Variants in FAM171A1 observed in about 807,000 individuals in gnomAD.
The protein encoded by FAM171A1 is family with sequence similarity 171 member A1, also known as protein FAM171A1.
A neutral mutation model predicts 74.9 loss-of-function variants in FAM171A1; 23 were observed. The ratio of observed to expected loss-of-function variants is 0.31; its 90% CI spans 0.22 to 0.44. FAM171A1 has a LOEUF of 0.44. Among genes scored for constraint, FAM171A1 ranks in the 20% least tolerant of loss-of-function variants. The pLI, the probability that FAM171A1 is intolerant of heterozygous loss-of-function variation, is 1.00. For synonymous variants in FAM171A1, 527 were observed against 505.7 expected (o/e 1.04, Z -0.57); for missense variants, 1,162 against 1,159.2 (o/e 1.00, Z -0.03).
intron 5 of FAM171A1, among the ~76,000 whole-genome samples, chr10:15,239,866 A>G (rs1274285892): frequency 6.6e-6 from 1 of 152,254 alleles, no homozygotes; most frequent in Non-Finnish European, 1.5e-5. Context: ...GGATTTTGGA[A>G]TATTTGCATT....
intron 1 of FAM171A1, among the ~76,000 whole-genome samples, chr10:15,295,650 G>A (rs138726105): frequency 1.8e-4 from 28 of 152,164 alleles, no homozygotes; most frequent in Middle Eastern, 3.4e-3. Flanking sequence ...GGTTTTTAGA[G>A]CTGTTGGTTT....
At position 15,254,632 on chromosome 10, in the gene FAM171A1, A is replaced by G. The variant is rs528171962; in HGVS notation, c.577+89T>C. Reference sequence around the variant, plus strand: ...CACCTTCAGTGCCTTTCTCCCACATAGTGCTAAAACTCCCAATCATACCTA... The same window carrying G: ...CACCTTCAGTGCCTTTCTCCCACATGGTGCTAAAACTCCCAATCATACCTA... On this transcript the variant is annotated intron_variant, in intron 4 of 7. Coordinates refer to ENST00000378116, the MANE Select transcript of FAM171A1 (RefSeq NM_001010924.2). The G allele has an allele frequency of 4.9e-6, 7 of 1,415,362 alleles. No homozygotes were observed. The African/African-American group carries it at 1.0e-4, about 20-fold the overall frequency. The allele number at this position is 1,415,362 out of a possible 1,614,324, so 87.7% of individuals were successfully genotyped here.
intron 1 of FAM171A1, among the ~76,000 whole-genome samples, chr10:15,331,898 A>T (rs191655992): frequency 0.014 from 885 of 62,724 alleles, 17 homozygotes; most frequent in Non-Finnish European, 0.031. Flanking sequence ...TATATATATG[A>T]AACAATTAAG....
chr10:15,233,555 T>TGCATGTGTGTGC (rs1554832524), intron 5 of FAM171A1, among the ~76,000 whole-genome samples: 1 of 149,154 alleles, frequency 6.7e-6, no homozygotes, highest in Non-Finnish European at 1.5e-5. Context: ...TGTGTGTGTG[T>TGCATGTGTGTGC]GCATGTGTGT....
chr10:15,234,783 G>C (rs1402513939), intron 5 of FAM171A1, among the ~76,000 whole-genome samples: 2 of 151,858 alleles, frequency 1.3e-5, no homozygotes, highest in East Asian at 3.9e-4. Flanking sequence ...CTCCCGAGTA[G>C]CTGGGACTAC....
intron 7 of FAM171A1, among the ~76,000 whole-genome samples, chr10:15,215,329 A>T (rs1167943170): frequency 6.6e-6 from 1 of 152,188 alleles, no homozygotes; most frequent in Admixed American, 6.5e-5. Context: ...TTGACAATAA[A>T]TATTCTTGCA....
At position 15,216,013 on chromosome 10, in the gene FAM171A1, G is replaced by A. The variant is rs923721593; in HGVS notation, c.969C>T (p.Leu323=). 2.5e-6 allele frequency: 4 copies of A among 1,603,758 alleles called. No individual in the cohort carries two copies. In the South Asian group the frequency reaches 4.5e-5, roughly 18 times the overall value. The part of the protein sequence containing the change: ...MAFILLVLLC[L]LLYYCRRKCL... Reference sequence around the variant, plus strand: ...CACTTTACCTGCAATAATATAAAAGGAGACACAGCAAAACCAAAAGTATGA... The same window carrying A: ...CACTTTACCTGCAATAATATAAAAGAAGACACAGCAAAACCAAAAGTATGA... The change falls in exon 7 of 8, where the codon CTC becomes CTT. Residue 323 remains leucine, a synonymous_variant. Transcript: ENST00000378116.
At chr10:15,361,068 TAATC>T (rs1188739748) in intron 1 of FAM171A1, among the ~76,000 whole-genome samples, 1 of 152,158 alleles carries the variant, frequency 6.6e-6, no homozygotes, top group East Asian at 1.9e-4. Flanking sequence ...TAAGAAACTA[TAATC>T]AATGTCGTCA....
chr10:15,280,103 C>G (rs10752359), intron 2 of FAM171A1, among the ~76,000 whole-genome samples: 1 of 151,744 alleles, frequency 6.6e-6, no homozygotes, highest in Admixed American at 6.6e-5. Context: ...AAGAAAAAAA[C>G]CCAAAAAATT....
At chr10:15,349,645 A>G (rs1047819515) in intron 1 of FAM171A1, among the ~76,000 whole-genome samples, 78 of 152,072 alleles carry the variant, frequency 5.1e-4, no homozygotes, top group African/African-American at 1.8e-3. Context: ...CAGCTTCCCT[A>G]TCCTGAACAC....
chr10:15,373,189 T>G (rs1340253017), upstream of FAM171A1, among the ~76,000 whole-genome samples: 1 of 152,188 alleles, frequency 6.6e-6, no homozygotes, highest in Non-Finnish European at 1.5e-5. Flanking sequence ...ATGCTGCAAT[T>G]TGCGCAAATC....
At chr10:15,217,782 C>T (rs988924240) in intron 6 of FAM171A1, among the ~76,000 whole-genome samples, 11 of 150,092 alleles carry the variant, frequency 7.3e-5, no homozygotes, top group East Asian at 4.1e-4. Context: ...GGATTATAGG[C>T]GCCCGCCACC....
At position 15,337,625 on chromosome 10, in the gene FAM171A1, G is replaced by A. The variant is rs577062994; in HGVS notation, c.97+33331C>T. Among the ~76,000 whole-genome samples the A allele has an allele frequency of 1.9e-3, 288 of 152,284 alleles. 1 individual carries two copies. The highest frequency in any genetic ancestry group is 3.4e-3 in the Non-Finnish European group (232 of 67,996). ...TTAATAAGCAGTAGGGGCTGGGCGC[G>A]GTGGCTCACGCCTGCAATCCCAGCG... On this transcript the variant is annotated intron_variant, in intron 1 of 7. Coordinates refer to ENST00000378116, the MANE Select transcript of FAM171A1 (RefSeq NM_001010924.2).
In FAM171A1 at chr10:15,245,051, C is replaced by CT. The variant is rs986728042; in HGVS notation, c.754+3587dup. Among the ~76,000 whole-genome samples, 153 of 148,812 alleles carry CT rather than the reference C, an allele frequency of 1.0e-3. 4 individuals carry two copies. In the South Asian group the frequency reaches 0.02, roughly 19 times the overall value. On this transcript the variant is annotated intron_variant, in intron 5 of 7. Transcript: ENST00000378116. ...TAAACTGTTCAGCCAGTTGACTTTG[C>CT]TTTTTTTTTTCTTATTTATTTATTT...
intron 1 of FAM171A1, among the ~76,000 whole-genome samples, chr10:15,367,717 T>C (rs1332563665): frequency 1.3e-5 from 2 of 152,228 alleles, no homozygotes; most frequent in East Asian, 1.9e-4. Flanking sequence ...TTATAACAGA[T>C]TGCAGCTTTT....
intron 1 of FAM171A1, among the ~76,000 whole-genome samples, chr10:15,346,222 A>C (rs1414855925): frequency 6.6e-6 from 1 of 152,152 alleles, no homozygotes; most frequent in Non-Finnish European, 1.5e-5. Context: ...CAGCTTCCCA[A>C]GGAGTTGGGA....
intron 1 of FAM171A1, among the ~76,000 whole-genome samples, chr10:15,334,218 T>C (rs918073171): frequency 6.6e-6 from 1 of 152,188 alleles, no homozygotes; most frequent in Non-Finnish European, 1.5e-5. Flanking sequence ...CCATTCCCCT[T>C]TCAAATGAGA....
At chr10:15,358,657 T>C (rs992713981) in intron 1 of FAM171A1, among the ~76,000 whole-genome samples, 1 of 152,206 alleles carries the variant, frequency 6.6e-6, no homozygotes, top group African/African-American at 2.4e-5. Context: ...GGGAGCTTCT[T>C]ATCTCTTCCA....
intron 1 of FAM171A1, among the ~76,000 whole-genome samples, chr10:15,366,233 C>T (rs1394023194): frequency 6.6e-6 from 1 of 152,112 alleles, no homozygotes; most frequent in Non-Finnish European, 1.5e-5. Context: ...AATTGTCCTG[C>T]CTTAGCCTCC....
Sources: gnomAD v4.1 joint callset for allele counts (sites outside exome capture counted in the v4.1 genomes callset) on GRCh38, gnomAD v4.1.1 for gene constraint, MANE v1.5 for transcripts, NCBI Gene and HGNC (gene_info 2026-07-23, HGNC 2026-07-21) for gene names.